Variants in TRIO observed in about 807,000 individuals in gnomAD.
The protein encoded by TRIO is triple functional domain protein.
In TRIO, 58 loss-of-function variants were observed where a neutral mutation model predicts 351.9. The ratio of observed to expected loss-of-function variants is 0.16; its 90% confidence interval spans 0.13 to 0.21. The LOEUF is 0.21. TRIO is among the 10% of genes least tolerant of loss of function. The pLI is 1.00. For missense variants in TRIO, 3,201 were observed against 4,027.8 expected, an observed-to-expected ratio of 0.79 and a Z score of 5.56; for synonymous variants, 1,758 against 1,595.7, an observed-to-expected ratio of 1.10 and a Z score of -2.42.
At chr5:14,430,999 A>G (rs1381873881) in intron 34 of TRIO, among the ~76,000 whole-genome samples, 1 of 152,252 alleles carries the variant, frequency 6.6e-6, no homozygotes, top group Admixed American at 6.5e-5. Flanking sequence ...GGCATGAGCC[A>G]CTGCGCCTGG....
chr5:14,442,696 C>T (rs1359920045), intron 34 of TRIO, among the ~76,000 whole-genome samples: 3 of 152,180 alleles, frequency 2.0e-5, no homozygotes, highest in African/African-American at 4.8e-5. Context: ...GGACCCTGTG[C>T]GCTAGGAATT....
At chr5:14,295,838 G>A (rs955285472) in intron 6 of TRIO, among the ~76,000 whole-genome samples, 1 of 152,178 alleles carries the variant, frequency 6.6e-6, no homozygotes, top group African/African-American at 2.4e-5. Context: ...CTCCAGACAT[G>A]CGATGTCTGT....
chr5:14,342,210 G>A (rs1347481128), intron 11 of TRIO, among the ~76,000 whole-genome samples: 1 of 152,166 alleles, frequency 6.6e-6, no homozygotes, highest in African/African-American at 2.4e-5. Flanking sequence ...TGAGGCTCTC[G>A]GAGCTGCCTC....
chr5:14,311,395 C>G (rs531307126), intron 8 of TRIO, among the ~76,000 whole-genome samples: 1 of 152,272 alleles, frequency 6.6e-6, no homozygotes, highest in Admixed American at 6.5e-5. Flanking sequence ...GGAGGTCCAT[C>G]CAATAAGAAC....
At chr5:14,183,972 C>T in intron 1 of TRIO, 1 of 697,862 alleles carries the variant, frequency 1.4e-6, no homozygotes, top group South Asian at 1.5e-5. Flanking sequence ...AAGGATGTGT[C>T]CCAGACTTTA....
intron 23 of TRIO, 156 bp downstream of exon 23, chr5:14,388,003 C>T (rs30795): frequency 3.0e-6 from 2 of 663,222 alleles, no homozygotes; most frequent in African/African-American, 1.8e-5. Context: ...GACTTCGCTG[C>T]GTTCACTGTC....
intron 4 of TRIO, among the ~76,000 whole-genome samples, chr5:14,288,786 C>T (rs73057593): frequency 0.037 from 5,638 of 152,178 alleles, 359 homozygotes; most frequent in African/African-American, 0.13. Context: ...GTTTCTTTTG[C>T]CAACCAGCAC....
intron 1 of TRIO, among the ~76,000 whole-genome samples, chr5:14,195,444 A>G (rs1008296536): frequency 1.1e-4 from 17 of 152,220 alleles, no homozygotes; most frequent in African/African-American, 3.9e-4. Flanking sequence ...CTTTGGTCAC[A>G]TAGTTAAGAT....
chr5:14,232,878 C>G (rs1365937416), intron 1 of TRIO, among the ~76,000 whole-genome samples: 2 of 152,064 alleles, frequency 1.3e-5, no homozygotes, highest in African/African-American at 4.8e-5. Context: ...GTTAGAGGAC[C>G]AGCTGGTATC....
At chr5:14,460,546 C>T (rs1317675837) in intron 34 of TRIO, among the ~76,000 whole-genome samples, 1 of 152,282 alleles carries the variant, frequency 6.6e-6, no homozygotes, top group South Asian at 2.1e-4. Context: ...TGCACTTCTG[C>T]GACAGGATTA....
At position 14,266,967 on chromosome 5, in the gene TRIO, A is replaced by C. The variant is rs561304854; in HGVS notation, c.158-3858A>C. 3.3e-5 allele frequency among the ~76,000 whole-genome samples: 5 copies of C among 152,292 alleles called. No individual in the cohort carries two copies. The East Asian group carries it at 9.6e-4, about 29-fold the overall frequency. Reference sequence around the variant, plus strand: ...ATTCTTGCTGTTTCACTGTTTCCTGAAGCTAGCTTTTCATTAGAGTCCATA... The same window carrying C: ...ATTCTTGCTGTTTCACTGTTTCCTGCAGCTAGCTTTTCATTAGAGTCCATA... On this transcript the variant is annotated intron_variant, in intron 1 of 56. Coordinates refer to ENST00000344204, the MANE Select transcript of TRIO (RefSeq NM_007118.4).
At chr5:14,439,306 G>A (rs997825854) in intron 34 of TRIO, among the ~76,000 whole-genome samples, 1 of 152,160 alleles carries the variant, frequency 6.6e-6, no homozygotes, top group Non-Finnish European at 1.5e-5. Context: ...GAGCCACCGC[G>A]CCTGGCCCAA....
chr5:14,185,023 A>G (rs966163777), intron 1 of TRIO, among the ~76,000 whole-genome samples: 1 of 152,134 alleles, frequency 6.6e-6, no homozygotes, highest in Non-Finnish European at 1.5e-5. Flanking sequence ...TCCATGACTC[A>G]TGGACAGTTT....
chr5:14,490,970 G>A (rs1385697876), intron 48 of TRIO: 12 of 389,374 alleles, frequency 3.1e-5, no homozygotes, highest in East Asian at 1.4e-4. Flanking sequence ...TGTACAGCAC[G>A]CTTTTTTGCT....
Position 14,143,805 on chromosome 5 carries a change from G to C in TRIO, c.80G>C (p.Gly27Ala). ...PAAAASAAGSGCGGGAGEGAE... is the reference protein window; with the variant it reads ...PAAAASAAGSACGGGAGEGAE... ...GCGGCGGCCAGCGCGGCTGGCTCGG[G>C]CTGCGGGGGCGGTGCCGGCGAGGGG... is the stretch of plus-strand genomic sequence containing the variant. Residue 27 changes from glycine to alanine, a missense_variant, in exon 1 of 57, where the codon GGC (glycine) becomes GCC (alanine). This residue lies in a region of TRIO where 109 missense variants were observed against 134.6 expected (regional missense o/e 0.81). Coordinates refer to ENST00000344204, the MANE Select transcript of TRIO (RefSeq NM_007118.4). The C allele has an allele frequency of 9.5e-7, 1 of 1,052,134 alleles. No individual in the cohort carries two copies. The highest frequency in any genetic ancestry group is 1.1e-6 in the Non-Finnish European group (1 of 875,074). The allele number at this position is 1,052,134 out of a possible 1,614,324, so 65.2% of individuals were successfully genotyped here.
intron 4 of TRIO, 58 bp from the exon 5 acceptor site, chr5:14,290,658 A>G (rs1318507023): frequency 6.6e-7 from 1 of 1,507,542 alleles, no homozygotes; most frequent in Non-Finnish European, 8.9e-7. Flanking sequence ...AAATTGCATT[A>G]TGTTAAAACT....
chr5:14,360,591 T>C (rs748000996), intron 13 of TRIO, among the ~76,000 whole-genome samples: 19 of 152,236 alleles, frequency 1.2e-4, no homozygotes, highest in South Asian at 2.1e-4. Flanking sequence ...GCACTCAGGC[T>C]GGGGATGGCA....
chr5:14,146,349 C>T (rs1019205989), intron 1 of TRIO, among the ~76,000 whole-genome samples: 11 of 152,216 alleles, frequency 7.2e-5, no homozygotes, highest in African/African-American at 2.4e-4. Context: ...GTTTTTGAGC[C>T]TGGTACTAAA....
In TRIO at chr5:14,440,617, G is replaced by A. The variant is rs79200042; in HGVS notation, c.5204-20402G>A. On this transcript the variant is annotated intron_variant, in intron 34 of 56. Transcript: ENST00000344204. Reference sequence around the variant, plus strand: ...TTCTCTGGCTGCTTCCTGTGAGGAAGAATGAAGATATGTTTTTAATAAGTG... The same window carrying A: ...TTCTCTGGCTGCTTCCTGTGAGGAAAAATGAAGATATGTTTTTAATAAGTG... Among the ~76,000 whole-genome samples the A allele has an allele frequency of 5.4e-3, 826 of 152,342 alleles. 6 individuals are homozygous for A. The highest frequency in any genetic ancestry group is 0.019 in the African/African-American group (774 of 41,574).
Sources: gnomAD v4.1 joint callset for allele counts (sites outside exome capture counted in the v4.1 genomes callset) on GRCh38, gnomAD v4.1.1 for gene constraint, gnomAD v4.1.1 regional missense constraint, MANE v1.5 for transcripts, NCBI Gene and HGNC (gene_info 2026-07-23, HGNC 2026-07-21) for gene names.